PTPRO: variants seen among roughly 807,000 people sequenced by gnomAD.
The protein encoded by PTPRO is protein tyrosine phosphatase receptor type O, also known as receptor-type tyrosine-protein phosphatase O.
PTPRO carries 62 observed loss-of-function variants against 145.2 expected under a neutral mutation model. The ratio of observed to expected loss-of-function variants is 0.43; its 90% CI spans 0.35 to 0.53. The LOEUF (loss-of-function observed/expected upper bound fraction) is 0.53, where lower values mean the gene tolerates loss of function less well. PTPRO is among the 20% of genes least tolerant of loss of function. The pLI is 0.01. For synonymous variants in PTPRO, 565 were observed against 514.7 expected (o/e 1.10, Z -1.32); for missense variants, 1,345 against 1,482.7 (o/e 0.91, Z 1.53).
intron 12 of PTPRO, among the ~76,000 whole-genome samples, chr12:15,535,686 C>T (rs941269939): frequency 3.9e-5 from 6 of 152,192 alleles, no homozygotes; most frequent in Non-Finnish European, 5.9e-5. Flanking sequence ...TGCTTCTATT[C>T]CTGGACTGGG....
In PTPRO at chr12:15,340,454, A is replaced by T. The variant is rs58099477; in HGVS notation, c.75+17653A>T. Among the ~76,000 whole-genome samples the T allele has an allele frequency of 7.6e-3, 1,156 of 152,288 alleles. 9 individuals carry two copies. Among genetic ancestry groups the T allele is most frequent in the African/African-American group, 0.026 (1,063 of 41,560 alleles). ...TCCTGGAGACAGCTGATTCCTGCCC[A>T]TCCAAAATCATTCTTGCGGTTTCTT... On this transcript the variant is annotated intron_variant, in intron 1 of 26. Transcript: ENST00000281171.
intron 19 of PTPRO, among the ~76,000 whole-genome samples, chr12:15,577,968 T>C (rs1228002885): frequency 1.3e-5 from 2 of 152,232 alleles, no homozygotes; most frequent in Non-Finnish European, 2.9e-5. Flanking sequence ...CAGTTATTTA[T>C]ATAAAAATTT....
At chr12:15,565,540 G>A in intron 17 of PTPRO, 53 bp from the exon 18 acceptor site, 5 of 1,189,992 alleles carry the variant, frequency 4.2e-6, no homozygotes, top group Non-Finnish European at 6.2e-6. Flanking sequence ...TAATTATTAT[G>A]TTAATCAATT....
intron 19 of PTPRO, among the ~76,000 whole-genome samples, chr12:15,573,496 AT>A (rs1289619107): frequency 6.6e-6 from 1 of 152,174 alleles, no homozygotes; most frequent in African/African-American, 2.4e-5. Flanking sequence ...TAATATTGTT[AT>A]TTATTCTGAT....
At chr12:15,414,585 A>G (rs1003015409) in intron 1 of PTPRO, among the ~76,000 whole-genome samples, 8 of 152,312 alleles carry the variant, frequency 5.3e-5, no homozygotes, top group Middle Eastern at 3.4e-3. Flanking sequence ...TCTGTTGAGT[A>G]TCTTTCTAAG....
intron 1 of PTPRO, among the ~76,000 whole-genome samples, chr12:15,441,501 A>G (rs1276641315): frequency 6.6e-6 from 1 of 152,174 alleles, no homozygotes; most frequent in Non-Finnish European, 1.5e-5. Context: ...GAAAGAACTA[A>G]AATTAGGGCA....
At chr12:15,394,495 CT>C (rs1939281870) in intron 1 of PTPRO, among the ~76,000 whole-genome samples, 1 of 152,052 alleles carries the variant, frequency 6.6e-6, no homozygotes, top group South Asian at 2.1e-4. Flanking sequence ...CATTTAGTTA[CT>C]TTTTAGAGTT....
intron 1 of PTPRO, among the ~76,000 whole-genome samples, chr12:15,345,948 C>T (rs187024793): frequency 2.0e-5 from 3 of 152,102 alleles, no homozygotes; most frequent in Non-Finnish European, 4.4e-5. Context: ...CCCCTCTGAG[C>T]CTCTCTCATA....
chr12:15,339,294 A>T (rs1397245964), intron 1 of PTPRO, among the ~76,000 whole-genome samples: 1 of 152,184 alleles, frequency 6.6e-6, no homozygotes, highest in Non-Finnish European at 1.5e-5. Context: ...GGAGGCTTGA[A>T]TAAAACAGTG....
chr12:15,502,113 G>C (rs1230439177), intron 5 of PTPRO, 50 bp downstream of exon 5: 1 of 1,519,878 alleles, frequency 6.6e-7, no homozygotes, highest in African/African-American at 1.4e-5. Context: ...AAAGGAAGGG[G>C]AATTGAAATG....
At chr12:15,589,424 A>C in intron 24 of PTPRO, 31 bp from the exon 25 acceptor site, 1 of 1,613,754 alleles carries the variant, frequency 6.2e-7, no homozygotes, top group Non-Finnish European at 8.5e-7. Flanking sequence ...GCACCATCTG[A>C]ATAATATGCC....
At chr12:15,411,454 A>G (rs918059238) in intron 1 of PTPRO, among the ~76,000 whole-genome samples, 3 of 152,228 alleles carry the variant, frequency 2.0e-5, no homozygotes, top group African/African-American at 7.2e-5. Context: ...CTTCCTGGAC[A>G]TATGCCTTTT....
intron 7 of PTPRO, among the ~76,000 whole-genome samples, chr12:15,514,451 C>CAAAAAAAAAA (rs71438353): frequency 1.6e-4 from 11 of 68,806 alleles, no homozygotes; most frequent in Non-Finnish European, 2.3e-4. Context: ...GACTCTGTCT[C>CAAAAAAAAAA]AAAAAAAAAA....
intron 1 of PTPRO, among the ~76,000 whole-genome samples, chr12:15,432,426 T>C (rs1281416707): frequency 2.0e-5 from 3 of 152,312 alleles, no homozygotes; most frequent in South Asian, 2.1e-4. Context: ...AGGTTGATTG[T>C]ATGTCTTTGC....
At chr12:15,487,646 G>A (rs1046615714) in intron 2 of PTPRO, among the ~76,000 whole-genome samples, 2 of 152,114 alleles carry the variant, frequency 1.3e-5, no homozygotes, top group African/African-American at 2.4e-5. Flanking sequence ...GTCCTCATGA[G>A]CATGGGGTAG....
rs201332998 is a variant in PTPRO at position 15,344,858 on chromosome 12, G to A, written c.75+22057G>A. Reference sequence around the variant, plus strand: ...GTTCCTGCTCGGGAAGAACTCCACAGCTCATGCCTTACGAACCAGTTCATC... The same window carrying A: ...GTTCCTGCTCGGGAAGAACTCCACAACTCATGCCTTACGAACCAGTTCATC... On this transcript the variant is annotated intron_variant, in intron 1 of 26. Coordinates refer to ENST00000281171, the MANE Select transcript of PTPRO (RefSeq NM_030667.3). Among the ~76,000 whole-genome samples, 3 of 152,118 alleles carry A rather than the reference G, an allele frequency of 2.0e-5. No individual in the cohort carries two copies. The East Asian group carries it at 5.8e-4, about 29-fold the overall frequency.
intron 10 of PTPRO, among the ~76,000 whole-genome samples, 170 bp from the exon 11 acceptor site, chr12:15,524,644 C>T (rs765001032): frequency 7.2e-5 from 11 of 152,164 alleles, no homozygotes; most frequent in Admixed American, 3.9e-4. Flanking sequence ...AGTGCCCATC[C>T]TGTATCACCA....
At chr12:15,532,875 A>T (rs1011016665) in intron 12 of PTPRO, among the ~76,000 whole-genome samples, 7 of 152,166 alleles carry the variant, frequency 4.6e-5, no homozygotes, top group Non-Finnish European at 2.9e-5. Flanking sequence ...TCCAAGCTTT[A>T]CTAATACAGG....
intron 10 of PTPRO, among the ~76,000 whole-genome samples, chr12:15,522,752 A>G (rs1186792421): frequency 1.3e-5 from 2 of 152,196 alleles, no homozygotes; most frequent in Non-Finnish European, 2.9e-5. Context: ...GGAGGGGCCA[A>G]AGTATTAATA....
Sources: gnomAD v4.1 joint callset for allele counts (sites outside exome capture counted in the v4.1 genomes callset) on GRCh38, gnomAD v4.1.1 for gene constraint, MANE v1.5 for transcripts, NCBI Gene and HGNC (gene_info 2026-07-23, HGNC 2026-07-21) for gene names.